CYP4F2: variants seen among roughly 807,000 people sequenced by gnomAD.
The protein encoded by CYP4F2 is cytochrome P450 family 4 subfamily F member 2.
In CYP4F2, 58 loss-of-function variants were observed where a neutral mutation model predicts 58.9. The ratio of observed to expected loss-of-function variants is 0.98; its 90% CI spans 0.80 to 1.23. CYP4F2 has a LOEUF of 1.23. Ranked by LOEUF, CYP4F2 falls within the 50% of genes most tolerant of loss-of-function variation. The probability of loss-of-function intolerance (pLI) is 0.00; values close to 1 mark genes in which losing one functional copy is unlikely to be tolerated. For synonymous variants in CYP4F2, 287 were observed against 261.1 expected, an observed-to-expected ratio of 1.10 and a Z score of -0.95; for missense variants, 616 against 685.6, an observed-to-expected ratio of 0.90 and a Z score of 1.13.
chr19:15,890,249 C>T (rs1366710091), intron 6 of CYP4F2, 63 bp downstream of exon 6: 1 of 1,611,712 alleles, frequency 6.2e-7, no homozygotes, highest in African/African-American at 1.3e-5. Context: ...CTTAGTCCTC[C>T]CTCTCCCACC....
At chr19:15,879,320 C>T in intron 12 of CYP4F2, 26 bp downstream of exon 12, 1 of 1,613,316 alleles carries the variant, frequency 6.2e-7, no homozygotes, top group South Asian at 1.1e-5. Flanking sequence ...CAACCCGTTC[C>T]CACCTCAGAC....
At chr19:15,887,008 G>A (rs2089384138) in intron 7 of CYP4F2, among the ~76,000 whole-genome samples, 1 of 152,220 alleles carries the variant, frequency 6.6e-6, no homozygotes, top group South Asian at 2.1e-4. Flanking sequence ...CTGGCTAACA[G>A]TATTGCTGTG....
chr19:15,886,040 C>T lies in CYP4F2; in HGVS notation c.999G>A (p.Thr333=), dbSNP rs527259127. 2.6e-5 allele frequency: 42 copies of T among 1,613,704 alleles called. No homozygotes were observed. In the South Asian group the frequency reaches 4.1e-4, roughly 16 times the overall value. ...ACAGGACCCAGGAGAGACCACTGGC[C>T]GTGGTGTCATGGCCTGGGGGGCAGC... ...DTFMFEGHDT[T]ASGLSWVLYH... Residue 333 remains threonine (T), a synonymous_variant, in exon 9 of 13, where the codon ACG becomes ACA. Transcript: ENST00000221700.
intron 9 of CYP4F2, 113 bp downstream of exon 9, chr19:15,885,811 C>T (rs1483924145): frequency 8.2e-6 from 12 of 1,460,418 alleles, no homozygotes; most frequent in Non-Finnish European, 1.1e-5. Flanking sequence ...TGCTCCTATT[C>T]CCACTAGGCA....
intron 9 of CYP4F2, among the ~76,000 whole-genome samples, chr19:15,883,159 G>A (rs2089355453): frequency 6.6e-6 from 1 of 152,204 alleles, no homozygotes; most frequent in Admixed American, 6.5e-5. Flanking sequence ...AAAGGAAACA[G>A]TCAACAAAGT....
chr19:15,890,411 G>A lies in CYP4F2; in HGVS notation c.548C>T (p.Ser183Leu), dbSNP rs752093474. 1 of 1,613,970 alleles carries A rather than the reference G, an allele frequency of 6.2e-7. No individual in the cohort carries two copies. Among genetic ancestry groups the A allele is most frequent in the African/African-American group, 1.3e-5 (1 of 74,932 alleles). Residue 183 changes from serine to leucine, a missense_variant, in exon 6 of 13, where the codon TCA (serine) becomes TTA (leucine). By Grantham distance (145) the Ser-to-Leu change is moderately radical. Coordinates refer to ENST00000221700, the MANE Select transcript of CYP4F2 (RefSeq NM_001082.5). ...IMHAKWQLLA[S>L]EGSACLDMFE... ...CATATCCAAACAGGCACTACCCTCT[G>A]AGGCCAGGAGCTGCCACTTGGCCTA...
intron 9 of CYP4F2, among the ~76,000 whole-genome samples, chr19:15,883,054 A>T (rs922113588): frequency 1.3e-5 from 2 of 152,226 alleles, no homozygotes; most frequent in Non-Finnish European, 2.9e-5. Context: ...ATACTCCAGG[A>T]CATGGGTCCA....
intron 9 of CYP4F2, among the ~76,000 whole-genome samples, chr19:15,881,366 A>G (rs1016396283): frequency 2.0e-5 from 3 of 152,224 alleles, no homozygotes; most frequent in Non-Finnish European, 4.4e-5. Context: ...TTGTGCACAT[A>G]AAAAGGGCAA....
intron 9 of CYP4F2, among the ~76,000 whole-genome samples, chr19:15,881,048 G>A (rs185506401): frequency 1.3e-5 from 2 of 152,254 alleles, no homozygotes; most frequent in East Asian, 3.9e-4. Flanking sequence ...TTTAGCAAAA[G>A]GTTGGAAACA....
intron 12 of CYP4F2, 24 bp downstream of exon 12, chr19:15,879,322 A>G (rs1376430304): frequency 1.9e-6 from 3 of 1,612,958 alleles, no homozygotes; most frequent in African/African-American, 1.3e-5. Flanking sequence ...ACCCGTTCCC[A>G]CCTCAGACAC....
rs764183403 is a variant in CYP4F2, at chr19:15,897,555, C to G, written c.57G>C (p.Trp19Cys). 2.5e-6 allele frequency: 4 copies of G among 1,613,856 alleles called. No individual in the cohort carries two copies. The African/African-American group carries it at 4.0e-5, about 16-fold the overall frequency. ...AGGCCCCGACCAGCAGGAGGAGCAG[C>G]CAAGGGGATGCTGCCACTGGCCAGA... ...LGLWPVAASP[W>C]LLLLLVGASW... The change falls in exon 2 of 13, where the codon TGG becomes TGC. Residue 19 changes from tryptophan to cysteine, a missense_variant. Coordinates refer to ENST00000221700, the MANE Select transcript of CYP4F2 (RefSeq NM_001082.5).
intron 1 of CYP4F2, 33 bp from the exon 2 acceptor site, chr19:15,897,645 T>C: frequency 6.8e-6 from 11 of 1,610,328 alleles, no homozygotes; most frequent in Non-Finnish European, 9.3e-6. Flanking sequence ...GGTGAGATCC[T>C]GAGGCCCAGA....
Position 15,878,517 on chromosome 19 carries a change from A to G in CYP4F2, c.*254T>C, listed in dbSNP as rs980291469. On this transcript the variant is annotated 3_prime_UTR_variant, in exon 13 of 13. Transcript: ENST00000221700. ...GTGTAATACTCCATTGTATGGATGGACCACATTTTGTTTATCCTTTCATCT... is the reference window on the plus strand; with the variant it reads ...GTGTAATACTCCATTGTATGGATGGGCCACATTTTGTTTATCCTTTCATCT... 4.9e-6 allele frequency: 3 copies of G among 618,220 alleles called. No homozygotes were observed. The highest frequency in any genetic ancestry group is 2.3e-5 in the South Asian group (1 of 44,142). The allele number at this position is 618,220 out of a possible 1,614,324, so 38.3% of individuals were successfully genotyped here.
Position 15,879,780 on chromosome 19 carries a change from G to A in CYP4F2, c.1233C>T (p.Gly411=), listed in dbSNP as rs1599346825. The A allele has an allele frequency of 1.2e-6, 2 of 1,614,136 alleles. No homozygotes were observed. The highest frequency in any genetic ancestry group is 4.5e-5 in the East Asian group (2 of 44,864). The change falls in exon 10 of 13, where the codon GGC becomes GGT. Residue 411 remains glycine (G), a synonymous_variant. Transcript: ENST00000221700. ...TGTGAGCACCTTTGGGGATGACCCGGCCGTCTGGGAGCACAATGTCCTGGG... is the reference window on the plus strand; with the variant it reads ...TGTGAGCACCTTTGGGGATGACCCGACCGTCTGGGAGCACAATGTCCTGGG... ...HVTQDIVLPD[G]RVIPKGIICL...
intron 7 of CYP4F2, 57 bp from the exon 8 acceptor site, chr19:15,886,365 CT>C: frequency 7.1e-7 from 1 of 1,400,046 alleles, no homozygotes; most frequent in African/African-American, 1.6e-5. Flanking sequence ...GTCACACTAG[CT>C]CTAAGGGCTC....
At chr19:15,886,457 T>C (rs941939236) in intron 7 of CYP4F2, 149 bp from the exon 8 acceptor site, 5 of 998,696 alleles carry the variant, frequency 5.0e-6, no homozygotes, top group African/African-American at 1.6e-5. Context: ...TAGACCCCTC[T>C]TGGTCACCAT....
At chr19:15,894,234 G>A (rs1043443676) in intron 3 of CYP4F2, among the ~76,000 whole-genome samples, 1 of 152,174 alleles carries the variant, frequency 6.6e-6, no homozygotes, top group Admixed American at 6.5e-5. Context: ...CTGCACCCAT[G>A]GCCTGAATCC....
chr19:15,895,631 C>A lies in CYP4F2; in HGVS notation c.218G>T (p.Gly73Val). 6.3e-7 allele frequency: 1 copy of A among 1,599,056 alleles called. No individual in the cohort carries two copies. The highest frequency in any genetic ancestry group is 1.1e-5 in the South Asian group (1 of 88,426). Reference protein sequence around the residue: ...HQGMVNPTEEGMRVLTQLVAT... With the variant: ...HQGMVNPTEEVMRVLTQLVAT... ...CACCAGCTGAGTCAGAACTCTCATG[C>A]CCTCCTCTGTGGGGTTGACCTGCAA... The change falls in exon 3 of 13, where the codon GGC becomes GTC. Residue 73 changes from glycine (G) to valine (V), a missense_variant. Physicochemically the swap from Gly to Val is moderately radical, Grantham distance 109. Transcript: ENST00000221700.
intron 9 of CYP4F2, among the ~76,000 whole-genome samples, chr19:15,884,932 G>A (rs1472098168): frequency 6.6e-6 from 1 of 151,994 alleles, no homozygotes; most frequent in Non-Finnish European, 1.5e-5. Context: ...ACTTCCCATG[G>A]CTCCCTATTG....
Sources: allele counts gnomAD v4.1 joint callset (sites outside exome capture counted in the v4.1 genomes callset), GRCh38; gene constraint gnomAD v4.1.1; transcripts MANE v1.5; gene names NCBI Gene and HGNC (gene_info 2026-07-23, HGNC 2026-07-21).